SLC24A2: variants seen among roughly 807,000 people sequenced by gnomAD.
SLC24A2 encodes the protein solute carrier family 24 member 2.
A neutral mutation model predicts 62.0 loss-of-function variants in SLC24A2; 36 were observed. That is an observed-to-expected ratio of 0.58 (90% CI 0.44 to 0.77). The LOEUF is 0.77. Among genes scored for constraint, SLC24A2 ranks in the 30% least tolerant of loss-of-function variants. The pLI is 0.00. For missense variants in SLC24A2, 846 were observed against 817.9 expected (o/e 1.03, Z -0.42); for synonymous variants, 358 against 294.0 (o/e 1.22, Z -2.23).
intron 8 of SLC24A2, among the ~76,000 whole-genome samples, chr9:19,546,056 C>A (rs138165843): frequency 6.6e-6 from 1 of 152,216 alleles, no homozygotes; most frequent in African/African-American, 2.4e-5. Flanking sequence ...AAGACTGCTG[C>A]GTGTTGTTTC....
chr9:20,269,677 C>T, the SLC24A2 span, among the ~76,000 whole-genome samples: 1 of 152,160 alleles, frequency 6.6e-6, no homozygotes. Context: ...CGACCCTCAC[C>T]AAGATTTTTT....
At chr9:19,814,330 C>A in the SLC24A2 span, among the ~76,000 whole-genome samples, 221 of 152,220 alleles carry the variant, frequency 1.5e-3, 1 homozygote, top group African/African-American at 4.6e-3. Context: ...GAGGTGGAAG[C>A]CAGTTATAGT....
the SLC24A2 span, among the ~76,000 whole-genome samples, chr9:19,892,034 C>T: frequency 6.6e-6 from 1 of 152,110 alleles, no homozygotes; most frequent in Admixed American, 6.5e-5. Flanking sequence ...AGATTGAGTT[C>T]CCTCCCTTCC....
the SLC24A2 span, among the ~76,000 whole-genome samples, chr9:20,043,084 C>T: frequency 0.49 from 74,904 of 151,918 alleles, 19,072 homozygotes; most frequent in East Asian, 0.76. Flanking sequence ...GAGTCACACA[C>T]CTTTCACTTT....
the SLC24A2 span, among the ~76,000 whole-genome samples, chr9:20,027,361 G>A: frequency 2.0e-5 from 3 of 152,094 alleles, no homozygotes; most frequent in East Asian, 1.9e-4. Context: ...CATGTTTACT[G>A]CAGCATTATT....
the SLC24A2 span, among the ~76,000 whole-genome samples, chr9:19,885,406 T>A: frequency 6.6e-6 from 1 of 152,218 alleles, no homozygotes; most frequent in Admixed American, 6.5e-5. Context: ...TGGATGATGA[T>A]GCTTTAATGT....
the SLC24A2 span, among the ~76,000 whole-genome samples, chr9:19,917,100 A>T: frequency 7.0e-6 from 1 of 142,966 alleles, no homozygotes; most frequent in Non-Finnish European, 1.5e-5. Flanking sequence ...TCTTATTTTA[A>T]TTTTGTATTT....
At chr9:19,590,404 C>A (rs1255398548) in intron 5 of SLC24A2, among the ~76,000 whole-genome samples, 2 of 152,086 alleles carry the variant, frequency 1.3e-5, no homozygotes, top group African/African-American at 2.4e-5. Flanking sequence ...TGACTATTTC[C>A]TGAAGGCCCC....
intron 2 of SLC24A2, among the ~76,000 whole-genome samples, chr9:19,739,353 A>G (rs766560511): frequency 8.5e-5 from 13 of 152,216 alleles, no homozygotes; most frequent in Non-Finnish European, 1.8e-4. Flanking sequence ...CTAATTTAAA[A>G]TTTATTTGAA....
At chr9:19,584,577 T>C (rs1442106971) in intron 5 of SLC24A2, among the ~76,000 whole-genome samples, 1 of 152,168 alleles carries the variant, frequency 6.6e-6, no homozygotes, top group Non-Finnish European at 1.5e-5. Context: ...ACTGGAACAG[T>C]TAATTTACCT....
the SLC24A2 span, among the ~76,000 whole-genome samples, chr9:20,142,011 AG>A: frequency 6.6e-6 from 1 of 152,136 alleles, no homozygotes; most frequent in East Asian, 1.9e-4. Flanking sequence ...GGAACCTGGG[AG>A]GCAGAGGTTG....
At chr9:19,812,841 T>C in the SLC24A2 span, among the ~76,000 whole-genome samples, 1 of 152,190 alleles carries the variant, frequency 6.6e-6, no homozygotes, top group South Asian at 2.1e-4. Context: ...GCCACTTTAG[T>C]TTCAGTAAGT....
At chr9:20,053,614 G>A in the SLC24A2 span, among the ~76,000 whole-genome samples, 1 of 152,146 alleles carries the variant, frequency 6.6e-6, no homozygotes, top group African/African-American at 2.4e-5. Context: ...GGTCATGAGG[G>A]TGGAACCCTG....
At chr9:19,567,141 A>G (rs1835686946) in intron 7 of SLC24A2, among the ~76,000 whole-genome samples, 1 of 150,368 alleles carries the variant, frequency 6.7e-6, no homozygotes, top group Non-Finnish European at 1.5e-5. Context: ...AACTTAAAGT[A>G]TAATAAAAAA....
chr9:20,143,953 G>A, the SLC24A2 span, among the ~76,000 whole-genome samples: 4 of 152,122 alleles, frequency 2.6e-5, no homozygotes, highest in African/African-American at 9.7e-5. Flanking sequence ...ACTGTATCTT[G>A]TTGATCTATG....
chr9:19,886,475 T>C, the SLC24A2 span, among the ~76,000 whole-genome samples: 1 of 152,032 alleles, frequency 6.6e-6, no homozygotes, highest in African/African-American at 2.4e-5. Flanking sequence ...CCGCTGATCA[T>C]TAGAGAAATG....
At chr9:19,983,647 G>C in the SLC24A2 span, among the ~76,000 whole-genome samples, 1 of 151,380 alleles carries the variant, frequency 6.6e-6, no homozygotes, top group African/African-American at 2.4e-5. Flanking sequence ...CATCTCAAAA[G>C]AAAAGAAAAA....
At chr9:19,610,070 C>T (rs779389366) in intron 4 of SLC24A2, among the ~76,000 whole-genome samples, 2 of 151,972 alleles carry the variant, frequency 1.3e-5, no homozygotes, top group Non-Finnish European at 2.9e-5. Flanking sequence ...TGCTTTAGTT[C>T]GATTACAGGT....
At chr9:19,905,614 T>C in the SLC24A2 span, among the ~76,000 whole-genome samples, 1 of 152,008 alleles carries the variant, frequency 6.6e-6, no homozygotes, top group Non-Finnish European at 1.5e-5. Flanking sequence ...GGTTTCTCCA[T>C]GTTGGTCAGG....
Sources: allele counts gnomAD v4.1 joint callset (sites outside exome capture counted in the v4.1 genomes callset), GRCh38; gene constraint gnomAD v4.1.1; transcripts MANE v1.5; gene names NCBI Gene and HGNC (gene_info 2026-07-23, HGNC 2026-07-21).